Variants in SYCP1 observed in about 807,000 individuals in gnomAD.
SYCP1 encodes synaptonemal complex protein 1.
SYCP1 carries 64 observed loss-of-function variants against 153.1 expected under a neutral mutation model. The ratio of observed to expected loss-of-function variants is 0.42; its 90% CI spans 0.34 to 0.51. SYCP1 has a LOEUF of 0.51. Ranked by LOEUF, SYCP1 falls within the 20% of genes least tolerant of loss-of-function variation. The probability of loss-of-function intolerance (pLI) is 0.06; values close to 1 mark genes in which losing one functional copy is unlikely to be tolerated. For synonymous variants in SYCP1, 384 were observed against 341.8 expected (o/e 1.12, Z -1.36); for missense variants, 997 against 1,049.0 (o/e 0.95, Z 0.68).
chr1:114,864,304 G>A (rs1268521779), intron 8 of SYCP1, among the ~76,000 whole-genome samples: 1 of 152,060 alleles, frequency 6.6e-6, no homozygotes, highest in East Asian at 1.9e-4. Context: ...AAGGGAGTGG[G>A]CCATCTATTT....
At chr1:114,918,454 A>G (rs1668652964) in intron 20 of SYCP1, among the ~76,000 whole-genome samples, 3 of 151,874 alleles carry the variant, frequency 2.0e-5, no homozygotes, top group Admixed American at 2.0e-4. Context: ...TTTTGCCCAG[A>G]ATATCTTGGG....
intron 16 of SYCP1, among the ~76,000 whole-genome samples, chr1:114,896,531 T>C (rs933297147): frequency 6.6e-6 from 1 of 152,200 alleles, no homozygotes; most frequent in African/African-American, 2.4e-5. Flanking sequence ...TTGGTATTAT[T>C]ATTTAAGGCT....
At chr1:114,866,935 T>C (rs1310060930) in intron 8 of SYCP1, among the ~76,000 whole-genome samples, 2 of 151,968 alleles carry the variant, frequency 1.3e-5, no homozygotes, top group African/African-American at 4.8e-5. Flanking sequence ...TGTCCACTTG[T>C]TTCAGCATCA....
chr1:114,922,000 G>A (rs1475533243), intron 20 of SYCP1, among the ~76,000 whole-genome samples: 67 of 152,068 alleles, frequency 4.4e-4, no homozygotes, highest in Non-Finnish European at 1.3e-4. Flanking sequence ...TGAAAAGTCT[G>A]CTGCCAGACA....
Position 114,872,648 on chromosome 1 carries a change from G to T in SYCP1, c.599-1858G>T, listed in dbSNP as rs139632106. ...CCTTTTTCTCTTTCTTCTCCTTCTG[G>T]TATTCCCATTATACTTTTTGTAGTT... is the stretch of plus-strand genomic sequence containing the variant. On this transcript the variant is annotated intron_variant, in intron 8 of 31. Coordinates refer to ENST00000369522, the MANE Select transcript of SYCP1 (RefSeq NM_003176.4). Among the ~76,000 whole-genome samples the T allele has an allele frequency of 6.4e-3, 966 of 151,874 alleles. 6 individuals are homozygous for T. The highest frequency in any genetic ancestry group is 9.3e-3 in the Non-Finnish European group (633 of 67,942).
At chr1:114,975,360 C>G (rs1672742632) in intron 27 of SYCP1, among the ~76,000 whole-genome samples, 1 of 136,798 alleles carries the variant, frequency 7.3e-6, no homozygotes, top group Admixed American at 7.4e-5. Flanking sequence ...GTGTGTGTGT[C>G]TTACTTTGGT....
chr1:114,910,801 C>A (rs775920951), intron 17 of SYCP1, among the ~76,000 whole-genome samples: 1 of 151,978 alleles, frequency 6.6e-6, no homozygotes, highest in Non-Finnish European at 1.5e-5. Context: ...TGCTATGTTG[C>A]CCAGGCTGGA....
chr1:114,976,543 A>T (rs1213357320), intron 27 of SYCP1, among the ~76,000 whole-genome samples: 1 of 151,418 alleles, frequency 6.6e-6, no homozygotes, highest in Non-Finnish European at 1.5e-5. Context: ...GTGCAGTTGT[A>T]GGCGATGGTT....
At chr1:114,928,905 T>C (rs925258931) in intron 23 of SYCP1, among the ~76,000 whole-genome samples, 7 of 152,134 alleles carry the variant, frequency 4.6e-5, no homozygotes, top group Non-Finnish European at 1.0e-4. Context: ...ATATAAACAA[T>C]GAACATTTAT....
chr1:114,910,280 A>G (rs1668091764), intron 16 of SYCP1, 117 bp from the exon 17 acceptor site: 2 of 619,668 alleles, frequency 3.2e-6, no homozygotes, highest in Admixed American at 3.7e-5. Flanking sequence ...TTCTCTTTTT[A>G]AAGAATTTTA....
chr1:114,989,720 A>G (rs944348118), intron 30 of SYCP1, among the ~76,000 whole-genome samples: 5 of 152,002 alleles, frequency 3.3e-5, no homozygotes, highest in Admixed American at 2.6e-4. Flanking sequence ...CTATACTACT[A>G]TCAGACACAA....
chr1:114,931,473 A>G (rs1011143441), intron 23 of SYCP1, among the ~76,000 whole-genome samples: 2 of 152,140 alleles, frequency 1.3e-5, no homozygotes, highest in South Asian at 2.1e-4. Context: ...TTAAAACATG[A>G]TACCATTTAC....
At chr1:114,900,063 G>T (rs1456437590) in intron 16 of SYCP1, among the ~76,000 whole-genome samples, 1 of 152,146 alleles carries the variant, frequency 6.6e-6, no homozygotes, top group Non-Finnish European at 1.5e-5. Flanking sequence ...GCAGATTAGT[G>T]CCTTATGAAT....
chr1:114,914,143 A>G, intron 20 of SYCP1, 98 bp downstream of exon 20: 5 of 863,892 alleles, frequency 5.8e-6, no homozygotes, highest in South Asian at 2.3e-5. Flanking sequence ...ACTGCTGTTG[A>G]ATATTTTATA....
intron 20 of SYCP1, among the ~76,000 whole-genome samples, chr1:114,915,827 G>A (rs1277791315): frequency 2.6e-5 from 4 of 152,116 alleles, no homozygotes; most frequent in East Asian, 1.9e-4. Context: ...ATGGTAATCC[G>A]GCAACAGAGT....
intron 29 of SYCP1, among the ~76,000 whole-genome samples, chr1:114,982,122 T>C (rs1032227598): frequency 1.3e-5 from 2 of 151,974 alleles, no homozygotes; most frequent in African/African-American, 2.4e-5. Context: ...CTCTCTTACC[T>C]CTCTCTCGTT....
chr1:114,854,771 A>G (rs1233701501), upstream of SYCP1: 1 of 152,082 alleles, frequency 6.6e-6, no homozygotes, highest in African/African-American at 2.4e-5. Context: ...AATTGTTCCT[A>G]GCGATTAGGG....
intron 20 of SYCP1, among the ~76,000 whole-genome samples, chr1:114,917,934 T>C (rs1668617299): frequency 6.6e-6 from 1 of 152,044 alleles, no homozygotes; most frequent in Admixed American, 6.6e-5. Context: ...ATGCTGTGGG[T>C]TGTGTCCTCC....
intron 23 of SYCP1, among the ~76,000 whole-genome samples, chr1:114,933,254 C>G (rs1669760088): frequency 6.6e-6 from 1 of 152,202 alleles, no homozygotes; most frequent in African/African-American, 2.4e-5. Flanking sequence ...CACTATTCTG[C>G]AGCCTCCGCT....
Sources: allele counts gnomAD v4.1 joint callset (sites outside exome capture counted in the v4.1 genomes callset), GRCh38; gene constraint gnomAD v4.1.1; transcripts MANE v1.5; gene names NCBI Gene and HGNC (gene_info 2026-07-23, HGNC 2026-07-21).